Variants in PLEKHM1 observed in about 807,000 individuals in gnomAD.
The protein encoded by PLEKHM1 is pleckstrin homology domain-containing family M member 1.
In PLEKHM1, 28 loss-of-function variants were observed where a neutral mutation model predicts 94.3. The ratio of observed to expected loss-of-function variants is 0.30; its 90% CI spans 0.22 to 0.41. The LOEUF is 0.41. PLEKHM1 is among the 10% of genes least tolerant of loss of function. PLEKHM1 has a pLI of 1.00. For missense variants in PLEKHM1, 907 were observed against 1,358.6 expected, an observed-to-expected ratio of 0.67 and a Z score of 5.22; for synonymous variants, 424 against 581.2, an observed-to-expected ratio of 0.73 and a Z score of 3.89.
intron 8 of PLEKHM1, among the ~76,000 whole-genome samples, chr17:45,447,581 T>A (rs2050644929): frequency 6.6e-6 from 1 of 151,920 alleles, no homozygotes; most frequent in Non-Finnish European, 1.5e-5. Flanking sequence ...GCTGACATCC[T>A]GCCAGTGCCA....
chr17:45,475,939 G>C, intron 3 of PLEKHM1: 2 of 632,242 alleles, frequency 3.2e-6, no homozygotes, highest in Non-Finnish European at 5.7e-6. Flanking sequence ...CTTGAGCTCA[G>C]GAATTCGTGA....
intron 6 of PLEKHM1, among the ~76,000 whole-genome samples, chr17:45,457,546 G>A (rs1257423011): frequency 7.9e-5 from 12 of 151,344 alleles, no homozygotes; most frequent in African/African-American, 2.9e-4. Flanking sequence ...GGCAACAAAA[G>A]GGAAACTCCA....
chr17:45,452,919 T>C (rs1233239560), intron 7 of PLEKHM1: 1 of 263,340 alleles, frequency 3.8e-6, no homozygotes, highest in Non-Finnish European at 7.4e-6. Flanking sequence ...CACAGAAAGT[T>C]CTATTGGACA....
In PLEKHM1 at chr17:45,468,545, G is replaced by T; in HGVS notation, c.972C>A (p.Asn324Lys). Residue 324 changes from asparagine (N) to lysine (K), a missense_variant, in exon 5 of 12, where the codon AAC becomes AAA. Physicochemically the swap from Asn to Lys is moderately conservative, Grantham distance 94. This residue lies in a region of PLEKHM1 where 477 missense variants were observed against 601.5 expected (regional missense o/e 0.79). Transcript: ENST00000430334. ...GGATCTCTGTTTCTTGGCTCAGTCC[G>T]TTGGTTGGCACAGAGTTTACCTGGG... The part of the protein sequence containing the change: ...SKAQVNSVPT[N>K]GLSQETEIPT... 6.2e-7 allele frequency: 1 copy of T among 1,614,182 alleles called. No homozygotes were observed. Among genetic ancestry groups the T allele is most frequent in the Non-Finnish European group, 8.5e-7 (1 of 1,180,016 alleles).
chr17:45,449,674 T>C (rs1328457521), intron 8 of PLEKHM1, among the ~76,000 whole-genome samples: 1 of 115,700 alleles, frequency 8.6e-6, no homozygotes, highest in Non-Finnish European at 1.8e-5. Context: ...AGCCACCTGC[T>C]CATCCACCTA....
chr17:45,470,868 G>C (rs1324462779), intron 4 of PLEKHM1, among the ~76,000 whole-genome samples: 2 of 151,330 alleles, frequency 1.3e-5, no homozygotes, highest in African/African-American at 4.9e-5. Context: ...GAGTTTCACC[G>C]TTTTAACCAG....
chr17:45,466,214 G>A (rs2145274010), intron 5 of PLEKHM1, among the ~76,000 whole-genome samples: 1 of 152,292 alleles, frequency 6.6e-6, no homozygotes, highest in South Asian at 2.1e-4. Context: ...GGAAAAATAT[G>A]AGGTTTGACT....
intron 3 of PLEKHM1, 148 bp downstream of exon 3, chr17:45,477,752 A>T: frequency 1.1e-6 from 1 of 877,184 alleles, no homozygotes; most frequent in Non-Finnish European, 1.8e-6. Context: ...GCCTTTCTAG[A>T]AGACACTTTC....
At chr17:45,466,061 G>A (rs1281331972) in intron 5 of PLEKHM1, among the ~76,000 whole-genome samples, 1 of 152,118 alleles carries the variant, frequency 6.6e-6, no homozygotes, top group Non-Finnish European at 1.5e-5. Flanking sequence ...GGGTCCTAGA[G>A]CATTCATTTT....
chr17:45,438,547 AT>A (rs1413324240), intron 11 of PLEKHM1, among the ~76,000 whole-genome samples: 2 of 150,610 alleles, frequency 1.3e-5, no homozygotes, highest in Non-Finnish European at 3.0e-5. Context: ...GAAAAAAAAA[AT>A]TTTTTTTACT....
At chr17:45,435,216 A>G (rs116562705), downstream of PLEKHM1, among the ~76,000 whole-genome samples, 774 of 152,266 alleles carry the variant, frequency 5.1e-3, 9 homozygotes, top group African/African-American at 0.018. Flanking sequence ...CCACCTTGTA[A>G]TCTGAAAGGG....
At chr17:45,435,157 G>A (rs143086487), downstream of PLEKHM1, among the ~76,000 whole-genome samples, 17 of 152,222 alleles carry the variant, frequency 1.1e-4, no homozygotes, top group East Asian at 3.1e-3. Context: ...GTCCTGGAGG[G>A]AGGTGAAGCC....
chr17:45,472,325 G>T (rs2051542431), intron 4 of PLEKHM1, among the ~76,000 whole-genome samples: 1 of 152,110 alleles, frequency 6.6e-6, no homozygotes, highest in African/African-American at 2.4e-5. Flanking sequence ...ACCACTGTCC[G>T]GCATTTGTCT....
At chr17:45,486,924 C>A (rs2052150359) in intron 1 of PLEKHM1, among the ~76,000 whole-genome samples, 1 of 152,126 alleles carries the variant, frequency 6.6e-6, no homozygotes. Context: ...ACTGCGTCAC[C>A]CACCCTGGTG....
intron 4 of PLEKHM1, among the ~76,000 whole-genome samples, chr17:45,474,813 T>C (rs1394619788): frequency 6.6e-6 from 1 of 152,222 alleles, no homozygotes; most frequent in Non-Finnish European, 1.5e-5. Context: ...ATTTCAGGCA[T>C]GAGCCACCGC....
chr17:45,434,528 C>G (rs957304006), downstream of PLEKHM1: 1 of 151,868 alleles, frequency 6.6e-6, no homozygotes, highest in African/African-American at 2.4e-5. Flanking sequence ...CTCACTGCAA[C>G]CTCCGCCTCC....
chr17:45,475,233 A>G lies in PLEKHM1; in HGVS notation c.790T>C (p.Cys264Arg), dbSNP rs1330212505. 2.5e-6 allele frequency: 4 copies of G among 1,614,030 alleles called. No homozygotes were observed. Among genetic ancestry groups the G allele is most frequent in the East Asian group, 4.5e-5 (2 of 44,886 alleles). Residue 264 changes from cysteine (C) to arginine (R), a missense_variant, in exon 4 of 12, where the codon TGC becomes CGC. This residue lies in a region of PLEKHM1 where 477 missense variants were observed against 601.5 expected (regional missense o/e 0.79). Transcript: ENST00000430334. Reference sequence around the variant, plus strand: ...AAGCAGCTATCAGAGTTTAGGCTGCAGGACAGCTGGGATGAACTGGCCGTG... The same window carrying G: ...AAGCAGCTATCAGAGTTTAGGCTGCGGGACAGCTGGGATGAACTGGCCGTG... ...LDTASSSQLSCSLNSDSCLLQ... is the reference protein window; with the variant it reads ...LDTASSSQLSRSLNSDSCLLQ...
chr17:45,460,826 T>G (rs1182636975), intron 5 of PLEKHM1, among the ~76,000 whole-genome samples: 2 of 152,228 alleles, frequency 1.3e-5, no homozygotes, highest in Non-Finnish European at 2.9e-5. Context: ...CCCAAAGTGC[T>G]GAGGTCACAG....
At chr17:45,477,433 C>CAAA (rs66616399) in intron 3 of PLEKHM1, 15,503 of 156,796 alleles carry the variant, frequency 0.099, 1,019 homozygotes, top group Non-Finnish European at 0.14. Flanking sequence ...AACTCCATCC[C>CAAA]AAAAAAAAAA....
Sources: allele counts gnomAD v4.1 joint callset (sites outside exome capture counted in the v4.1 genomes callset), GRCh38; gene constraint gnomAD v4.1.1; regional missense constraint gnomAD v4.1.1; transcripts MANE v1.5; gene names NCBI Gene and HGNC (gene_info 2026-07-23, HGNC 2026-07-21).